Variants in TRIM58 observed in about 807,000 individuals in gnomAD.
The protein encoded by TRIM58 is tripartite motif containing 58.
A neutral mutation model predicts 34.1 loss-of-function variants in TRIM58; 38 were observed. That is an observed-to-expected ratio of 1.12 (90% CI 0.86 to 1.46). The LOEUF (loss-of-function observed/expected upper bound fraction) is 1.46. Ranked by LOEUF, TRIM58 falls within the 40% of genes most tolerant of loss-of-function variation. TRIM58 has a pLI of 0.00. For synonymous variants in TRIM58, 273 were observed against 275.7 expected (o/e 0.99, Z 0.10); for missense variants, 677 against 642.0 (o/e 1.05, Z -0.59).
Position 247,876,684 on chromosome 1 carries a change from T to C in TRIM58, c.*195T>C. 1 of 563,962 alleles carries C rather than the reference T, an allele frequency of 1.8e-6. No individual in the cohort carries two copies. The highest frequency in any genetic ancestry group is 3.1e-6 in the Non-Finnish European group (1 of 322,216). 34.9% of individuals were successfully genotyped at this position (563,962 alleles called of 1,614,324 possible). A position where few individuals can be genotyped will look rare whatever the true frequency, so the allele number is the denominator to read the frequency against. On this transcript the variant is annotated 3_prime_UTR_variant, in exon 6 of 6. Transcript: ENST00000366481. ...GGGAAGATTATAGAGCATAATAATTTTGTAAATGGAGCAATCTCAACCTCT... is the reference window on the plus strand; with the variant it reads ...GGGAAGATTATAGAGCATAATAATTCTGTAAATGGAGCAATCTCAACCTCT...
chr1:247,879,348 T>C lies in TRIM58; in HGVS notation c.*2859T>C, dbSNP rs1659358546. 6.6e-6 allele frequency among the ~76,000 whole-genome samples: 1 copy of C among 152,206 alleles called. No individual in the cohort carries two copies. ...CCTGGCCACCCTGCTGCTGTAACCA[T>C]GGTCAGAACTCCATCCTGCCCCTCT... is the stretch of plus-strand genomic sequence containing the variant. On this transcript the variant is annotated 3_prime_UTR_variant, in exon 6 of 6. Transcript: ENST00000366481.
intron 5 of TRIM58, among the ~76,000 whole-genome samples, chr1:247,875,164 C>A (rs1659251765): frequency 6.6e-6 from 1 of 152,072 alleles, no homozygotes; most frequent in East Asian, 1.9e-4. Context: ...TCTCTCTTGT[C>A]ATATAGTGTA....
At chr1:247,868,731 C>T (rs1164528674) in intron 5 of TRIM58, among the ~76,000 whole-genome samples, 1 of 152,136 alleles carries the variant, frequency 6.6e-6, no homozygotes, top group Non-Finnish European at 1.5e-5. Context: ...CTTAGGGACA[C>T]ATATTTACTC....
chr1:247,857,796 TC>T (rs888237982), intron 1 of TRIM58, 130 bp downstream of exon 1: 19 of 1,160,474 alleles, frequency 1.6e-5, no homozygotes, highest in Admixed American at 4.5e-5. Context: ...CCGCGCGCCG[TC>T]CCCCCCGCCC....
At chr1:247,858,959 G>T (rs559733382) in intron 1 of TRIM58, among the ~76,000 whole-genome samples, 1 of 151,926 alleles carries the variant, frequency 6.6e-6, no homozygotes, top group Non-Finnish European at 1.5e-5. Context: ...TAGAGACGGG[G>T]TTTCACTGTG....
In TRIM58 at chr1:247,867,432, G is replaced by T. The variant is rs1405839672; in HGVS notation, c.748-413G>T. Among the ~76,000 whole-genome samples, 5 of 152,260 alleles carry T rather than the reference G, an allele frequency of 3.3e-5. No individual in the cohort carries two copies. In the East Asian group the frequency reaches 9.6e-4, roughly 29 times the overall value. The stretch of plus-strand genomic sequence containing the variant: ...GATTTGTCTGAGTGTGGTGACTCAC[G>T]CCTGTAATCCCAGCACTTTGGGAGG... On this transcript the variant is annotated intron_variant, in intron 3 of 5. Transcript: ENST00000366481.
chr1:247,871,768 A>C (rs1659130327), intron 5 of TRIM58, among the ~76,000 whole-genome samples: 1 of 152,254 alleles, frequency 6.6e-6, no homozygotes, highest in African/African-American at 2.4e-5. Flanking sequence ...CAACAACAAC[A>C]ACAAAATACT....
rs767118404 is a variant in TRIM58, at chr1:247,860,655, G to C, written c.459G>C (p.Glu153Asp). 1 of 1,613,932 alleles carries C rather than the reference G, an allele frequency of 6.2e-7. No individual in the cohort carries two copies. The highest frequency in any genetic ancestry group is 1.3e-5 in the African/African-American group (1 of 75,004). Reference sequence around the variant, plus strand: ...TGGCTCTGGAACTTATGAGGAAAGAGTTGGAGGACGCCTTGACTCAGGAGG... The same window carrying C: ...TGGCTCTGGAACTTATGAGGAAAGACTTGGAGGACGCCTTGACTCAGGAGG... ...LQMALELMRK[E>D]LEDALTQEAN... The change falls in exon 2 of 6, where the codon GAG (glutamate) becomes GAC (aspartate). Residue 153 changes from glutamate (E) to aspartate (D), a missense_variant. Coordinates refer to ENST00000366481, the MANE Select transcript of TRIM58 (RefSeq NM_015431.4).
rs372551001 is a variant in TRIM58, at chr1:247,868,999, G to A, written c.871+936G>A. ...ACTGCAACCTCCACCTCCCATGTTC[G>A]AGCGATTCTCCTGCCTCAGCCTCCC... On this transcript the variant is annotated intron_variant, in intron 5 of 5. Coordinates refer to ENST00000366481, the MANE Select transcript of TRIM58 (RefSeq NM_015431.4). 8.6e-5 allele frequency among the ~76,000 whole-genome samples: 13 copies of A among 151,988 alleles called. No homozygotes were observed. The East Asian group carries it at 1.9e-3, about 23-fold the overall frequency.
At chr1:247,867,625 C>T (rs906291942) in intron 3 of TRIM58, among the ~76,000 whole-genome samples, 6 of 151,678 alleles carry the variant, frequency 4.0e-5, no homozygotes, top group African/African-American at 1.2e-4. Context: ...AGGTGGAGGT[C>T]GCAGTGAGCC....
At position 247,876,025 on chromosome 1, in the gene TRIM58, C is replaced by T. The variant is rs1164067421; in HGVS notation, c.997C>T (p.Pro333Ser). The T allele has an allele frequency of 6.2e-7, 1 of 1,614,180 alleles. No homozygotes were observed. The highest frequency in any genetic ancestry group is 8.5e-7 in the Non-Finnish European group (1 of 1,180,026). ...CAACCCTGAGCGATTTGACACATGGCCCTGCATCCTGGGTTTGCAGAGCTT... is the reference window on the plus strand; with the variant it reads ...CAACCCTGAGCGATTTGACACATGGTCCTGCATCCTGGGTTTGCAGAGCTT... ...PNNPERFDTW[P>S]CILGLQSFSS... Residue 333 changes from proline (P) to serine (S), a missense_variant, in exon 6 of 6, where the codon CCC becomes TCC. Transcript: ENST00000366481.
chr1:247,857,528 G>A lies in TRIM58; in HGVS notation c.282G>A (p.Arg94=). The A allele has an allele frequency of 7.8e-7, 1 of 1,284,396 alleles. No homozygotes were observed. Among genetic ancestry groups the A allele is most frequent in the Admixed American group, 4.2e-5 (1 of 23,792 alleles). 79.6% of individuals were successfully genotyped at this position (1,284,396 alleles called of 1,614,324 possible). Reference sequence around the variant, plus strand: ...GGTTGGGCGCGGGGCCCGGGGCGCGGCGATGCGCGCGGCACGGCGAGGACC... The same window carrying A: ...GGTTGGGCGCGGGGCCCGGGGCGCGACGATGCGCGCGGCACGGCGAGGACC... ...RLGLGAGPGA[R]RCARHGEDLS... Residue 94 remains arginine, a synonymous_variant, in exon 1 of 6, where the codon CGG becomes CGA. Transcript: ENST00000366481.
At chr1:247,862,908 T>C (rs1434424410) in intron 2 of TRIM58, among the ~76,000 whole-genome samples, 1 of 152,142 alleles carries the variant, frequency 6.6e-6, no homozygotes, top group African/African-American at 2.4e-5. Context: ...GGCAAATCGC[T>C]TCCCACCTTC....
In TRIM58 at chr1:247,878,421, C is replaced by T. The variant is rs1411428575; in HGVS notation, c.*1932C>T. The stretch of plus-strand genomic sequence containing the variant: ...CCAATCATATTACTAACGTAGCCTT[C>T]TTCCTAGATTTTTTAATTGTTTGAT... On this transcript the variant is annotated 3_prime_UTR_variant, in exon 6 of 6. Coordinates refer to ENST00000366481, the MANE Select transcript of TRIM58 (RefSeq NM_015431.4). Among the ~76,000 whole-genome samples the T allele has an allele frequency of 6.6e-6, 1 of 152,186 alleles. No individual in the cohort carries two copies. The highest frequency in any genetic ancestry group is 1.5e-5 in the Non-Finnish European group (1 of 68,040).
chr1:247,865,073 T>C, intron 3 of TRIM58, 138 bp downstream of exon 3: 1 of 739,640 alleles, frequency 1.4e-6, no homozygotes, highest in South Asian at 1.9e-5. Flanking sequence ...AGAAGGCAGC[T>C]TAAACACCCT....
rs1297890634 is a variant in TRIM58 at position 247,875,974 on chromosome 1, G to A, written c.946G>A (p.Gly316Arg). Residue 316 changes from glycine to arginine, a missense_variant, in exon 6 of 6, where the codon GGA (glycine) becomes AGA (arginine). Transcript: ENST00000366481. ...LTADLRSVQD[G>R]EPWRDVPNNP... ...CGCCGACCTGCGCAGTGTGCAGGAT[G>A]GAGAACCATGGAGGGATGTCCCCAA... The A allele has an allele frequency of 2.5e-6, 4 of 1,614,108 alleles. No homozygotes were observed. Among genetic ancestry groups the A allele is most frequent in the African/African-American group, 1.3e-5 (1 of 74,940 alleles).
intron 5 of TRIM58, among the ~76,000 whole-genome samples, chr1:247,874,500 C>A (rs1198398508): frequency 6.6e-6 from 1 of 152,122 alleles, no homozygotes; most frequent in Non-Finnish European, 1.5e-5. Flanking sequence ...CGATACACAT[C>A]CAAACCATAT....
rs1659291181 is a variant in TRIM58 at position 247,876,495 on chromosome 1, T to C, written c.*6T>C. The C allele has an allele frequency of 6.2e-7, 1 of 1,609,530 alleles. No individual in the cohort carries two copies. The highest frequency in any genetic ancestry group is 8.5e-7 in the Non-Finnish European group (1 of 1,177,120). Reference sequence around the variant, plus strand: ...TAAGAGATGATCATCTCTAAAATTCTGTTCCCAAGATGCAGTCCTAGCGTA... The same window carrying C: ...TAAGAGATGATCATCTCTAAAATTCCGTTCCCAAGATGCAGTCCTAGCGTA... On this transcript the variant is annotated 3_prime_UTR_variant, in exon 6 of 6. Coordinates refer to ENST00000366481, the MANE Select transcript of TRIM58 (RefSeq NM_015431.4).
intron 1 of TRIM58, 22 bp downstream of exon 1, chr1:247,857,688 G>A (rs113104059): frequency 1.6e-6 from 2 of 1,216,488 alleles, no homozygotes; most frequent in Non-Finnish European, 2.0e-6. Context: ...CCCGGCGGGG[G>A]CTGCGGGCGC....
Sources: allele counts gnomAD v4.1 joint callset (sites outside exome capture counted in the v4.1 genomes callset), GRCh38; gene constraint gnomAD v4.1.1; transcripts MANE v1.5; gene names NCBI Gene and HGNC (gene_info 2026-07-23, HGNC 2026-07-21).